ZNF341: variants seen among roughly 807,000 people sequenced by gnomAD.
ZNF341 encodes the protein zinc finger protein 341.
In ZNF341, 52 loss-of-function variants were observed where a neutral mutation model predicts 87.7. The ratio of observed to expected loss-of-function variants is 0.59; its 90% CI spans 0.47 to 0.75. ZNF341 has a LOEUF of 0.75. Among genes scored for constraint, ZNF341 ranks in the 30% least tolerant of loss-of-function variants. The pLI is 0.00. For synonymous variants in ZNF341, 459 were observed against 472.7 expected (o/e 0.97, Z 0.38); for missense variants, 977 against 1,145.9 (o/e 0.85, Z 2.13).
At chr20:33,743,222 G>C (rs1311795603) in intron 2 of ZNF341, among the ~76,000 whole-genome samples, 1 of 152,020 alleles carries the variant, frequency 6.6e-6, no homozygotes, top group Non-Finnish European at 1.5e-5. Context: ...GGTAGAGACG[G>C]GGTTTCGCCA....
chr20:33,786,849 T>C (rs545520208), intron 12 of ZNF341, among the ~76,000 whole-genome samples: 2 of 151,340 alleles, frequency 1.3e-5, no homozygotes, highest in Non-Finnish European at 2.9e-5. Flanking sequence ...GCACCTGTGA[T>C]CCCAGCTACT....
At chr20:33,789,958 AC>A (rs1267201298) in intron 14 of ZNF341, among the ~76,000 whole-genome samples, 1 of 151,388 alleles carries the variant, frequency 6.6e-6, no homozygotes, top group Non-Finnish European at 1.5e-5. Context: ...TCTCCAAGCC[AC>A]TCCTCAGTTT....
chr20:33,770,663 A>G (rs1364486178), intron 10 of ZNF341, among the ~76,000 whole-genome samples: 1 of 152,190 alleles, frequency 6.6e-6, no homozygotes, highest in Non-Finnish European at 1.5e-5. Flanking sequence ...TTACAGTCAA[A>G]GCGGTACACC....
At chr20:33,788,548 T>G in intron 12 of ZNF341, 1 of 400,320 alleles carries the variant, frequency 2.5e-6, no homozygotes, top group South Asian at 2.3e-5. Context: ...TCCCTGTTGT[T>G]CATCAGCACC....
intron 8 of ZNF341, among the ~76,000 whole-genome samples, chr20:33,765,260 AGTGTTT>A (rs2019380894): frequency 6.6e-6 from 1 of 151,876 alleles, no homozygotes; most frequent in South Asian, 2.1e-4. Context: ...TAATGAAGGG[AGTGTTT>A]TGCTGGGAAA....
chr20:33,742,127 G>C (rs1332230207), intron 2 of ZNF341, among the ~76,000 whole-genome samples: 1 of 152,230 alleles, frequency 6.6e-6, no homozygotes, highest in African/African-American at 2.4e-5. Context: ...GGCTGCTCTA[G>C]CTCCCACTTT....
intron 10 of ZNF341, 59 bp from the exon 11 acceptor site, chr20:33,781,232 G>A (rs1041737407): frequency 8.8e-6 from 12 of 1,366,600 alleles, no homozygotes; most frequent in Non-Finnish European, 1.2e-5. Context: ...GGTGGCCGGG[G>A]CGCTGCTTCC....
chr20:33,752,870 C>T (rs1400566540), intron 4 of ZNF341, among the ~76,000 whole-genome samples: 14 of 151,862 alleles, frequency 9.2e-5, no homozygotes, highest in Admixed American at 9.2e-4. Context: ...AAGGTTGTCT[C>T]GATCTCCTGA....
Position 33,770,292 on chromosome 20 carries a change from A to G in ZNF341, c.1622A>G (p.Lys541Arg), listed in dbSNP as rs2122705722. Residue 541 changes from lysine to arginine, a missense_variant and splice_region_variant, in exon 10 of 15, where the codon AAG (lysine) becomes AGG (arginine). Lys to Arg is a conservative substitution (Grantham distance 26). This residue lies in a region of ZNF341 where 241 missense variants were observed against 335.0 expected (regional missense o/e 0.72). Coordinates refer to ENST00000375200, the MANE Select transcript of ZNF341 (RefSeq NM_001282933.2). ...HSPKKDNAVY[K>R]CVKCVNKYST... ...CCCAAGAAGGACAATGCCGTCTACA[A>G]GTAAGTGCCTCCTGCTTCCCTCTCC... The G allele has an allele frequency of 7.4e-7, 1 of 1,345,744 alleles. No individual in the cohort carries two copies. Among genetic ancestry groups the G allele is most frequent in the East Asian group, 4.8e-5 (1 of 20,712 alleles). The allele number at this position is 1,345,744 out of a possible 1,614,324, so 83.4% of individuals were successfully genotyped here.
At chr20:33,763,634 A>G (rs1199138925) in intron 8 of ZNF341, among the ~76,000 whole-genome samples, 2 of 152,040 alleles carry the variant, frequency 1.3e-5, no homozygotes, top group Non-Finnish European at 1.5e-5. Flanking sequence ...TTCCCTCACC[A>G]TCCCTGCTCA....
intron 13 of ZNF341, 99 bp from the exon 14 acceptor site, chr20:33,789,419 G>T (rs1468931600): frequency 4.3e-5 from 54 of 1,261,720 alleles, no homozygotes; most frequent in Non-Finnish European, 6.0e-5. Context: ...AGCCCTTAGG[G>T]TGGACAAGGC....
intron 1 of ZNF341, among the ~76,000 whole-genome samples, chr20:33,739,789 C>T (rs1254916253): frequency 6.6e-6 from 1 of 152,260 alleles, no homozygotes; most frequent in East Asian, 1.9e-4. Context: ...ATTTCTTTCA[C>T]ATGAAAGTCC....
At chr20:33,759,536 G>A (rs1044842730) in intron 7 of ZNF341, among the ~76,000 whole-genome samples, 2 of 152,054 alleles carry the variant, frequency 1.3e-5, no homozygotes, top group Non-Finnish European at 2.9e-5. Context: ...CACCCGCCTC[G>A]GCCTCCCAAA....
At chr20:33,783,182 G>C (rs1360379908) in intron 11 of ZNF341, among the ~76,000 whole-genome samples, 2 of 88,388 alleles carry the variant, frequency 2.3e-5, no homozygotes, top group African/African-American at 1.1e-4. Context: ...ATAAATAAAA[G>C]TAAAAAATTA....
At chr20:33,744,964 GC>G (rs1372905383) in intron 2 of ZNF341, 138 bp from the exon 3 acceptor site, 8 of 720,454 alleles carry the variant, frequency 1.1e-5, no homozygotes, top group Non-Finnish European at 1.8e-5. Context: ...GTCGCAGCAT[GC>G]CCCCCAGATT....
intron 12 of ZNF341, chr20:33,788,596 T>C (rs1299860489): frequency 2.1e-6 from 1 of 477,744 alleles, no homozygotes; most frequent in Non-Finnish European, 3.9e-6. Flanking sequence ...TTGTACCTGC[T>C]TTCCCTGCTG....
chr20:33,788,014 C>G (rs1436572660), intron 12 of ZNF341: 2 of 152,456 alleles, frequency 1.3e-5, no homozygotes, highest in Non-Finnish European at 2.9e-5. Context: ...TGGGCCACTT[C>G]CTGGTTATCC....
At chr20:33,747,742 T>C (rs1190906787) in intron 3 of ZNF341, among the ~76,000 whole-genome samples, 1 of 149,914 alleles carries the variant, frequency 6.7e-6, no homozygotes, top group Non-Finnish European at 1.5e-5. Flanking sequence ...AGACAAGGTC[T>C]TACTGTCGCT....
At chr20:33,738,137 C>CAA (rs35695162) in intron 1 of ZNF341, among the ~76,000 whole-genome samples, 20 of 118,248 alleles carry the variant, frequency 1.7e-4, no homozygotes, top group Non-Finnish European at 1.7e-4. Flanking sequence ...AACTCCATCT[C>CAA]AAAAAAAAAA....
Sources: gnomAD v4.1 joint callset for allele counts (sites outside exome capture counted in the v4.1 genomes callset) on GRCh38, gnomAD v4.1.1 for gene constraint, gnomAD v4.1.1 regional missense constraint, MANE v1.5 for transcripts, NCBI Gene and HGNC (gene_info 2026-07-23, HGNC 2026-07-21) for gene names.